The following SLC12A2 variants were observed in gnomAD, a reference collection of about 807,000 sequenced individuals.
The protein encoded by SLC12A2 is Na-K-2Cl cotransporter 1.
A neutral mutation model predicts 136.3 loss-of-function variants in SLC12A2; 67 were observed. The observed-to-expected ratio is 0.49, with a 90% CI of 0.40 to 0.60. SLC12A2 has a LOEUF of 0.60. Ranked by LOEUF, SLC12A2 falls within the 20% of genes least tolerant of loss-of-function variation. The pLI, the probability that SLC12A2 is intolerant of heterozygous loss-of-function variation, is 0.00. For missense variants in SLC12A2, 1,322 were observed against 1,534.7 expected (o/e 0.86, Z 2.32); for synonymous variants, 619 against 562.9 (o/e 1.10, Z -1.41).
intron 4 of SLC12A2, among the ~76,000 whole-genome samples, chr5:128,115,095 C>T (rs1036157472): frequency 3.3e-5 from 5 of 152,144 alleles, no homozygotes; most frequent in African/African-American, 1.2e-4. Context: ...GATCTAATAG[C>T]ATTGCGTGAG....
intron 23 of SLC12A2, among the ~76,000 whole-genome samples, 177 bp downstream of exon 23, chr5:128,181,171 T>C (rs771523587): frequency 7.9e-5 from 12 of 152,196 alleles, no homozygotes; most frequent in Non-Finnish European, 1.8e-4. Flanking sequence ...GTTTAACTAG[T>C]AAATACTTAA....
chr5:128,169,685 AT>A lies in SLC12A2; in HGVS notation c.2723+1819del, dbSNP rs1763309211. The A allele has an allele frequency of 3.9e-5, 6 of 152,314 alleles. No individual in the cohort carries two copies. In the South Asian group the frequency reaches 1.2e-3, roughly 32 times the overall value. 9.4% of individuals were successfully genotyped at this position (152,314 alleles called of 1,614,324 possible). A position where few individuals can be genotyped will look rare whatever the true frequency, so the allele number is the denominator to read the frequency against. On this transcript the variant is annotated intron_variant, in intron 18 of 26. Transcript: ENST00000262461. ...AGGGACAGAAAGATTAATGTGGTCCATGAGCCATGAAACCCTATGCTTTTTC... is the reference window on the plus strand; with the variant it reads ...AGGGACAGAAAGATTAATGTGGTCCAGAGCCATGAAACCCTATGCTTTTTC...
In SLC12A2 at chr5:128,088,485, G is replaced by A. The variant is rs532425866; in HGVS notation, c.756+3775G>A. ...GCTAGATTATCAAATGTGGAAAGTGGAGTGGTAGACAATCCATACTAGCTC... is the reference window on the plus strand; with the variant it reads ...GCTAGATTATCAAATGTGGAAAGTGAAGTGGTAGACAATCCATACTAGCTC... On this transcript the variant is annotated intron_variant, in intron 1 of 26. Coordinates refer to ENST00000262461, the MANE Select transcript of SLC12A2 (RefSeq NM_001046.3). Among the ~76,000 whole-genome samples, 119 of 152,256 alleles carry A rather than the reference G, an allele frequency of 7.8e-4. 1 individual carries two copies. In the South Asian group the frequency reaches 0.022, roughly 28 times the overall value.
intron 17 of SLC12A2, among the ~76,000 whole-genome samples, chr5:128,166,786 A>G (rs930191881): frequency 1.6e-4 from 25 of 152,088 alleles, no homozygotes; most frequent in African/African-American, 5.1e-4. Context: ...TTGTACACTT[A>G]AAAATGGTTA....
At chr5:128,092,782 A>C (rs767535357) in intron 1 of SLC12A2, among the ~76,000 whole-genome samples, 12 of 152,180 alleles carry the variant, frequency 7.9e-5, no homozygotes, top group South Asian at 6.2e-4. Context: ...TATATTGGAC[A>C]GTGTAGATGT....
rs1759942991 is a variant in SLC12A2 at position 128,084,118 on chromosome 5, G to C, written c.164G>C (p.Gly55Ala). 7.7e-7 allele frequency: 1 copy of C among 1,306,430 alleles called. No individual in the cohort carries two copies. Among genetic ancestry groups the C allele is most frequent in the Admixed American group, 3.8e-5 (1 of 26,568 alleles). 80.9% of individuals were successfully genotyped at this position (1,306,430 alleles called of 1,614,324 possible). Reference protein sequence around the residue: ...DAAPASRDGGGVRDEGPAAAG... With the variant: ...DAAPASRDGGAVRDEGPAAAG... ...GCGCCCGCGAGCCGGGACGGCGGCG[G>C]GGTCCGCGATGAGGGCCCCGCGGCG... The change falls in exon 1 of 27, where the codon GGG becomes GCG. Residue 55 changes from glycine (G) to alanine (A), a missense_variant. Coordinates refer to ENST00000262461, the MANE Select transcript of SLC12A2 (RefSeq NM_001046.3). The surrounding 1 kb of genome is among the most constrained non-coding windows in gnomAD (Gnocchi z 5.6).
intron 10 of SLC12A2, among the ~76,000 whole-genome samples, chr5:128,142,740 G>A (rs1762414595): frequency 6.6e-6 from 1 of 152,004 alleles, no homozygotes; most frequent in African/African-American, 2.4e-5. Context: ...TTGAGGTCAG[G>A]TAGATTAATT....
intron 4 of SLC12A2, among the ~76,000 whole-genome samples, chr5:128,121,224 G>A (rs530350384): frequency 6.6e-6 from 1 of 152,178 alleles, no homozygotes; most frequent in African/African-American, 2.4e-5. Flanking sequence ...ATGGAAACAT[G>A]CAAGGTTTCT....
At chr5:128,111,518 C>T (rs1341219127) in intron 1 of SLC12A2, among the ~76,000 whole-genome samples, 2 of 152,058 alleles carry the variant, frequency 1.3e-5, no homozygotes, top group Non-Finnish European at 2.9e-5. Flanking sequence ...GTAATCCTAG[C>T]ACTTTGAGAG....
Position 128,179,868 on chromosome 5 carries a change from G to C in SLC12A2, c.3101-1015G>C, listed in dbSNP as rs187751562. On this transcript the variant is annotated intron_variant, in intron 22 of 26. Coordinates refer to ENST00000262461, the MANE Select transcript of SLC12A2 (RefSeq NM_001046.3). ...ATAATTTGTTACTTTCATTTGTTTT[G>C]ATGTTCCAATTGTCCTATATTTCGC... Among the ~76,000 whole-genome samples the C allele has an allele frequency of 7.4e-4, 103 of 139,624 alleles. 1 individual carries two copies. The highest frequency in any genetic ancestry group is 2.6e-3 in the African/African-American group (100 of 38,046). The allele number at this position is 139,624 out of a possible 152,430, so 91.6% of individuals were successfully genotyped here.
chr5:128,160,700 A>G (rs1218926315), intron 16 of SLC12A2, among the ~76,000 whole-genome samples: 1 of 152,214 alleles, frequency 6.6e-6, no homozygotes, highest in Non-Finnish European at 1.5e-5. Flanking sequence ...TGCATAAGAA[A>G]TAGGGGTATT....
rs1316306860 is a variant in SLC12A2, at chr5:128,182,914, A to G, written c.3272A>G (p.Asp1091Gly). 8 of 1,609,100 alleles carry G rather than the reference A, an allele frequency of 5.0e-6. No individual in the cohort carries two copies. The South Asian group carries it at 8.9e-5, about 18-fold the overall frequency. The change falls in exon 24 of 27, where the codon GAT becomes GGT. Residue 1091 changes from aspartate (D) to glycine (G), a missense_variant. Around this residue, in one of 8 missense-constraint regions of SLC12A2, gnomAD observed 172 missense variants for 227.4 expected, o/e 0.76. Coordinates refer to ENST00000262461, the MANE Select transcript of SLC12A2 (RefSeq NM_001046.3). The part of the protein sequence containing the change: ...IDFSDIMVLG[D>G]INTKPKKENI... ...TTTTCTGATATCATGGTTCTAGGAG[A>G]TATCAATACCAAACCAAAGAAAGAA...
In SLC12A2 at chr5:128,165,930, C is replaced by G. The variant is rs1313775071; in HGVS notation, c.2617-1831C>G. On this transcript the variant is annotated intron_variant, in intron 17 of 26. Coordinates refer to ENST00000262461, the MANE Select transcript of SLC12A2 (RefSeq NM_001046.3). ...GTTTTCTTTTACCTCCCCCCCCCCC[C>G]CCCAGTTAAAAATATGCTGTGTGGT... Among the ~76,000 whole-genome samples the G allele has an allele frequency of 1.4e-4, 20 of 145,758 alleles. No individual in the cohort carries two copies. The South Asian group carries it at 1.6e-3, about 12-fold the overall frequency.
chr5:128,163,508 G>A (rs916671822), intron 17 of SLC12A2, among the ~76,000 whole-genome samples: 2 of 151,880 alleles, frequency 1.3e-5, no homozygotes, highest in African/African-American at 4.8e-5. Flanking sequence ...CAGTTTGGGC[G>A]ATAGAGCGAG....
At position 128,102,586 on chromosome 5, in the gene SLC12A2, C is replaced by T. The variant is rs879111047; in HGVS notation, c.757-10228C>T. On this transcript the variant is annotated intron_variant, in intron 1 of 26. Transcript: ENST00000262461. ...TACTGTGTCTTTCTGTAATTCACCC[C>T]CCCCCCCGCCTTTTTTTTTTTTTTT... Among the ~76,000 whole-genome samples the T allele has an allele frequency of 4.7e-5, 6 of 128,940 alleles. 1 individual carries two copies. Among genetic ancestry groups the T allele is most frequent in the East Asian group, 4.8e-4 (2 of 4,156 alleles). 84.6% of individuals were successfully genotyped at this position (128,940 alleles called of 152,430 possible).
rs1380998227 is a variant in SLC12A2 at position 128,186,736 on chromosome 5, T to G, written c.*105T>G. Reference sequence around the variant, plus strand: ...ACATCACAATGGCGAATGGTGACTTTTCTTTCACGATTTCATTAATTTGAA... The same window carrying G: ...ACATCACAATGGCGAATGGTGACTTGTCTTTCACGATTTCATTAATTTGAA... On this transcript the variant is annotated 3_prime_UTR_variant, in exon 27 of 27. Transcript: ENST00000262461. 1 of 1,196,506 alleles carries G rather than the reference T, an allele frequency of 8.4e-7. No individual in the cohort carries two copies. Among genetic ancestry groups the G allele is most frequent in the Admixed American group, 2.1e-5 (1 of 47,680 alleles). The allele number at this position is 1,196,506 out of a possible 1,614,324, so 74.1% of individuals were successfully genotyped here.
In SLC12A2 at chr5:128,084,393, G is replaced by T; in HGVS notation, c.439G>T (p.Ala147Ser). 1.2e-6 allele frequency: 2 copies of T among 1,609,430 alleles called. No homozygotes were observed. Among genetic ancestry groups the T allele is most frequent in the Non-Finnish European group, 1.7e-6 (2 of 1,178,566 alleles). The change falls in exon 1 of 27, where the codon GCT becomes TCT. Residue 147 changes from alanine (A) to serine (S), a missense_variant. Transcript: ENST00000262461. The surrounding 1 kb of genome is among the most constrained non-coding windows in gnomAD (Gnocchi z 5.6). Reference sequence around the variant, plus strand: ...CTTCCGCGTGAACTTCGTGGACCCAGCTGCCTCCTCGTCGGCTGAAGACAG... The same window carrying T: ...CTTCCGCGTGAACTTCGTGGACCCATCTGCCTCCTCGTCGGCTGAAGACAG... Reference protein sequence around the residue: ...GRFRVNFVDPAASSSAEDSLS... With the variant: ...GRFRVNFVDPSASSSAEDSLS...
intron 17 of SLC12A2, among the ~76,000 whole-genome samples, chr5:128,165,450 T>C (rs969039646): frequency 5.9e-5 from 9 of 152,312 alleles, no homozygotes; most frequent in Non-Finnish European, 1.3e-4. Context: ...GCAATAAGCT[T>C]CAGATGACTG....
rs1763877522 is a variant in SLC12A2 at position 128,186,577 on chromosome 5, A to G, written c.3585A>G (p.Pro1195=). 2.5e-6 allele frequency: 4 copies of G among 1,613,526 alleles called. No individual in the cohort carries two copies. The highest frequency in any genetic ancestry group is 3.4e-6 in the Non-Finnish European group (4 of 1,179,908). Residue 1195 remains proline, a synonymous_variant, in exon 27 of 27, where the codon CCA becomes CCG. Coordinates refer to ENST00000262461, the MANE Select transcript of SLC12A2 (RefSeq NM_001046.3). Reference sequence around the variant, plus strand: ...TAGAAGCTCTATCTAAGGACCTACCACCAATCCTCCTAGTTCGTGGGAATC... The same window carrying G: ...TAGAAGCTCTATCTAAGGACCTACCGCCAATCCTCCTAGTTCGTGGGAATC... ...AWLEALSKDL[P]PILLVRGNHQ...
Sources: gnomAD v4.1 joint callset for allele counts (sites outside exome capture counted in the v4.1 genomes callset) on GRCh38, gnomAD v4.1.1 for gene constraint, gnomAD v4.1.1 regional missense constraint, Gnocchi (gnomAD v3.1) non-coding constraint, MANE v1.5 for transcripts, NCBI Gene and HGNC (gene_info 2026-07-23, HGNC 2026-07-21) for gene names.